Variants in EPPK1 observed in about 807,000 individuals in gnomAD.
EPPK1 encodes the protein epiplakin 1, also known as epiplakin.
For synonymous variants in EPPK1, 1,862 were observed against 1,721.2 expected (o/e 1.08, Z -2.03); for missense variants, 3,823 against 3,673.3 (o/e 1.04, Z -1.05).
rs782367327 is a variant in EPPK1 at position 143,867,849 on chromosome 8, G to T, written c.5405C>A (p.Ser1802Tyr). 1 of 1,613,286 alleles carries T rather than the reference G, an allele frequency of 6.2e-7. No homozygotes were observed. Among genetic ancestry groups the T allele is most frequent in the South Asian group, 1.1e-5 (1 of 91,086 alleles). Residue 1802 changes from serine (S) to tyrosine (Y), a missense_variant, in exon 2 of 2, where the codon TCT becomes TAT. Ser to Tyr is a moderately radical substitution (Grantham distance 144). Coordinates refer to ENST00000615648, the MANE Select transcript of EPPK1 (RefSeq NM_031308.4). ...QVVSFWDLLS[S>Y]PYFTEDRKRE... The stretch of plus-strand genomic sequence containing the variant: ...CTTCCTGTCCTCTGTGAAGTATGGA[G>T]AGGACAGCAGGTCCCAGAAAGAGAC...
Position 143,871,007 on chromosome 8 carries a change from G to C in EPPK1, c.2247C>G (p.Phe749Leu), listed in dbSNP as rs530032622. 1.9e-6 allele frequency: 3 copies of C among 1,613,164 alleles called. No homozygotes were observed. Among genetic ancestry groups the C allele is most frequent in the African/African-American group, 1.3e-5 (1 of 74,926 alleles). The change falls in exon 2 of 2, where the codon TTC (phenylalanine) becomes TTG (leucine). Residue 749 changes from phenylalanine (F) to leucine (L), a missense_variant. Physicochemically the swap from Phe to Leu is conservative, Grantham distance 22. Transcript: ENST00000615648. ...ACAGGATCAAGTTCAGCATCTGATC[G>C]AAGTAGCCGCGCCGGTAGGCCACGT... Reference protein sequence around the residue: ...PVDVAYRRGYFDQMLNLILLD... With the variant: ...PVDVAYRRGYLDQMLNLILLD...
rs1250341893 is a variant in EPPK1 at position 143,869,506 on chromosome 8, C to CGGCCACGCAGCCTG, written c.3734_3747dup (p.Gly1250GlnfsTer22). The CGGCCACGCAGCCTG allele has an allele frequency of 1.9e-6, 3 of 1,546,310 alleles. No individual in the cohort carries two copies. Among genetic ancestry groups the CGGCCACGCAGCCTG allele is most frequent in the Non-Finnish European group, 2.6e-6 (3 of 1,150,784 alleles). On this transcript the variant is annotated frameshift_variant, in exon 2 of 2. Coordinates refer to ENST00000615648, the MANE Select transcript of EPPK1 (RefSeq NM_031308.4). LOFTEE classifies it low-confidence loss of function (END_TRUNC). The stretch of plus-strand genomic sequence containing the variant: ...GCCCCAGAGGGCTGTAGCAGCACAC[C>CGGCCACGCAGCCTG]GGCCACGCAGCCTGTGCCCCACAGG...
chr8:143,869,994 G>A lies in EPPK1; in HGVS notation c.3260C>T (p.Pro1087Leu), dbSNP rs782169960. 3.5e-5 allele frequency: 57 copies of A among 1,608,770 alleles called. No individual in the cohort carries two copies. The highest frequency in any genetic ancestry group is 2.4e-4 in the Admixed American group (14 of 59,518). ...ATAGCTCGTGCGCCCCTGGCCGTCCGGTGTGGGGAAGGTTTCGGAGGAGCT... is the reference window on the plus strand; with the variant it reads ...ATAGCTCGTGCGCCCCTGGCCGTCCAGTGTGGGGAAGGTTTCGGAGGAGCT... ...LSSSSETFPT[P>L]DGQGRTSYAQ... The change falls in exon 2 of 2, where the codon CCG (proline) becomes CTG (leucine). Residue 1087 changes from proline to leucine, a missense_variant. By Grantham distance (98) the Pro-to-Leu change is moderately conservative. Transcript: ENST00000615648.
At position 143,868,374 on chromosome 8, in the gene EPPK1, T is replaced by G. The variant is rs1435468417; in HGVS notation, c.4880A>C (p.Glu1627Ala). 1.2e-6 allele frequency: 2 copies of G among 1,612,552 alleles called. No homozygotes were observed. Among genetic ancestry groups the G allele is most frequent in the Non-Finnish European group, 1.7e-6 (2 of 1,179,828 alleles). The change falls in exon 2 of 2, where the codon GAG becomes GCG. Residue 1627 changes from glutamate to alanine, a missense_variant. Glu to Ala is a moderately radical substitution (Grantham distance 107). Transcript: ENST00000615648. ...PVENRKLTVE[E>A]AFKAGMFGKE... ...CCCGAACATTCCTGCTTTGAACGCC[T>G]CCTCCACGGTCAGCTTCCGGTTCTC...
At chr8:143,877,054 G>A (rs1056274505) in intron 1 of EPPK1, among the ~76,000 whole-genome samples, 7 of 152,294 alleles carry the variant, frequency 4.6e-5, no homozygotes, top group Non-Finnish European at 1.0e-4. Flanking sequence ...GCTGGAGACA[G>A]GGCGCTTGGG....
In EPPK1 at chr8:143,872,305, G is replaced by A; in HGVS notation, c.949C>T (p.Pro317Ser). 6.2e-7 allele frequency: 1 copy of A among 1,600,848 alleles called. No individual in the cohort carries two copies. Among genetic ancestry groups the A allele is most frequent in the Non-Finnish European group, 8.5e-7 (1 of 1,173,226 alleles). Residue 317 changes from proline to serine, a missense_variant, in exon 2 of 2, where the codon CCA becomes TCA. Coordinates refer to ENST00000615648, the MANE Select transcript of EPPK1 (RefSeq NM_031308.4). ...GTGGCAGCCTGGGCCTCTAGGAGTG[G>A]CAGCGCGGTGCCCATTGGGAGCAGG... is the stretch of plus-strand genomic sequence containing the variant. ...EHLLPMGTALPLLEAQAATHT... is the reference protein window; with the variant it reads ...EHLLPMGTALSLLEAQAATHT...
rs782176487 is a variant in EPPK1 at position 143,869,989 on chromosome 8, C to T, written c.3265G>A (p.Gly1089Ser). The change falls in exon 2 of 2, where the codon GGC (glycine) becomes AGC (serine). Residue 1089 changes from glycine (G) to serine (S), a missense_variant. Coordinates refer to ENST00000615648, the MANE Select transcript of EPPK1 (RefSeq NM_031308.4). The part of the protein sequence containing the change: ...SSSETFPTPD[G>S]QGRTSYAQLL... ...TGGGCATAGCTCGTGCGCCCCTGGC[C>T]GTCCGGTGTGGGGAAGGTTTCGGAG... is the stretch of plus-strand genomic sequence containing the variant. 5.6e-6 allele frequency: 9 copies of T among 1,607,714 alleles called. No individual in the cohort carries two copies. Among genetic ancestry groups the T allele is most frequent in the Admixed American group, 3.4e-5 (2 of 59,500 alleles).
rs573015971 is a variant in EPPK1 at position 143,868,664 on chromosome 8, G to C, written c.4590C>G (p.Ala1530=). The change falls in exon 2 of 2, where the codon GCC becomes GCG. Residue 1530 remains alanine, a synonymous_variant. Transcript: ENST00000615648. ...TFRGLRKQVS[A]RDLFRAQLIS... The stretch of plus-strand genomic sequence containing the variant: ...TCAGCTGCGCCCTGAACAGGTCCCT[G>C]GCTGACACCTGCTTCCGGAGCCCTC... The C allele has an allele frequency of 5.3e-5, 84 of 1,585,472 alleles. 1 individual carries two copies. In the South Asian group the frequency reaches 7.2e-4, roughly 14 times the overall value.
rs782742738 is a variant in EPPK1 at position 143,868,486 on chromosome 8, C to T, written c.4768G>A (p.Ala1590Thr). The T allele has an allele frequency of 3.0e-5, 48 of 1,611,592 alleles. No individual in the cohort carries two copies. Among genetic ancestry groups the T allele is most frequent in the Middle Eastern group, 3.3e-4 (2 of 6,082 alleles). ...GGCCGCAGGATGTGCCTCCTCAGGG[C>T]CTCTGGGATGCTCATCCTCTCCTGG... ...GTQERMSIPE[A>T]LRRHILRPGT... is the part of the protein sequence containing the mutation. Residue 1590 changes from alanine to threonine, a missense_variant, in exon 2 of 2, where the codon GCC becomes ACC. By Grantham distance (58) the Ala-to-Thr change is moderately conservative. Coordinates refer to ENST00000615648, the MANE Select transcript of EPPK1 (RefSeq NM_031308.4).
Position 143,871,182 on chromosome 8 carries a change from T to C in EPPK1, c.2072A>G (p.Tyr691Cys), listed in dbSNP as rs782731105. The C allele has an allele frequency of 3.7e-6, 6 of 1,613,046 alleles. No individual in the cohort carries two copies. In the South Asian group the frequency reaches 6.6e-5, roughly 18 times the overall value. ...CTGCTGCCCGGTGTAGGGGTCAGTG[T>C]AGCCAGTGACAGCGCGCTCAGCCGA... The part of the protein sequence containing the change: ...LLSAERAVTG[Y>C]TDPYTGQQIS... The change falls in exon 2 of 2, where the codon TAC becomes TGC. Residue 691 changes from tyrosine (Y) to cysteine (C), a missense_variant. Coordinates refer to ENST00000615648, the MANE Select transcript of EPPK1 (RefSeq NM_031308.4).
Position 143,867,352 on chromosome 8 carries a change from G to A in EPPK1, c.5902C>T (p.Leu1968Phe), listed in dbSNP as rs1554659434. 3 of 1,612,812 alleles carry A rather than the reference G, an allele frequency of 1.9e-6. No individual in the cohort carries two copies. The highest frequency in any genetic ancestry group is 1.7e-6 in the Non-Finnish European group (2 of 1,179,856). ...GLVNEELRER[L>F]LKAERAATGY... ...GTGGCAGCTCTTTCAGCCTTCAGGA[G>A]CCTCTCCCGCAGCTCCTCGTTCACC... The change falls in exon 2 of 2, where the codon CTC (leucine) becomes TTC (phenylalanine). Residue 1968 changes from leucine (L) to phenylalanine (F), a missense_variant. By Grantham distance (22) the Leu-to-Phe change is conservative (BLOSUM62 0). Coordinates refer to ENST00000615648, the MANE Select transcript of EPPK1 (RefSeq NM_031308.4).
rs535303334 is a variant in EPPK1, at chr8:143,868,180, C to T, written c.5074G>A (p.Asp1692Asn). Residue 1692 changes from aspartate to asparagine, a missense_variant, in exon 2 of 2, where the codon GAC becomes AAC. Coordinates refer to ENST00000615648, the MANE Select transcript of EPPK1 (RefSeq NM_031308.4). ...GGCACGCGGTGGCTGTGCACGGGGT[C>T]GATGATGCCGCCCGTGGCGATCTGG... is the stretch of plus-strand genomic sequence containing the variant. ...EAQIATGGIIDPVHSHRVPVD... is the reference protein window; with the variant it reads ...EAQIATGGIINPVHSHRVPVD... The T allele has an allele frequency of 4.1e-5, 66 of 1,613,008 alleles. No homozygotes were observed. Among genetic ancestry groups the T allele is most frequent in the South Asian group, 4.0e-4 (36 of 91,062 alleles).
rs571952678 is a variant in EPPK1, at chr8:143,872,537, G to A, written c.717C>T (p.Gly239=). The change falls in exon 2 of 2, where the codon GGC becomes GGT. Residue 239 remains glycine, a synonymous_variant. Coordinates refer to ENST00000615648, the MANE Select transcript of EPPK1 (RefSeq NM_031308.4). ...LPLKITFRSM[G]GAVSAAELLE... ...GCAGCTCAGCTGCACTCACCGCCCC[G>A]CCCATGGAGCGGAAGGTGATCTTGA... 6.4e-5 allele frequency: 102 copies of A among 1,603,706 alleles called. 1 individual carries two copies. Among genetic ancestry groups the A allele is most frequent in the East Asian group, 4.7e-4 (21 of 44,634 alleles).
rs532342176 is a variant in EPPK1 at position 143,873,129 on chromosome 8, C to T, written c.125G>A (p.Ser42Asn). The change falls in exon 2 of 2, where the codon AGC becomes AAC. Residue 42 changes from serine (S) to asparagine (N), a missense_variant. By Grantham distance (46) the Ser-to-Asn change is conservative. Transcript: ENST00000615648. ...GGCCTCCACATACACCCCAGCTATG[C>T]TCCTGGCCTGGGGCCTGGGGGGCGT... is the stretch of plus-strand genomic sequence containing the variant. ...AGTPPRPQAR[S>N]IAGVYVEASG... The T allele has an allele frequency of 6.3e-7, 1 of 1,581,212 alleles. No individual in the cohort carries two copies. Among genetic ancestry groups the T allele is most frequent in the Non-Finnish European group, 8.6e-7 (1 of 1,167,226 alleles).
chr8:143,870,522 A>G lies in EPPK1; in HGVS notation c.2732T>C (p.Ile911Thr). The G allele has an allele frequency of 1.2e-6, 2 of 1,609,376 alleles. No individual in the cohort carries two copies. The highest frequency in any genetic ancestry group is 1.7e-6 in the Non-Finnish European group (2 of 1,177,876). The change falls in exon 2 of 2, where the codon ATC becomes ACC. Residue 911 changes from isoleucine (I) to threonine (T), a missense_variant. Physicochemically the swap from Ile to Thr is moderately conservative, Grantham distance 89. Transcript: ENST00000615648. The surrounding 1 kb of genome is among the most constrained non-coding windows in gnomAD (Gnocchi z 5.2). ...QLLDQVLAGT[I>T]SPEALLLMDG... ...CATGAGTAGGAGGGCCTCCGGGCTG[A>G]TTGTCCCGGCCAGCACTTGGTCCAA...
rs202152744 is a variant in EPPK1 at position 143,871,924 on chromosome 8, C to T, written c.1330G>A (p.Gly444Ser). The change falls in exon 2 of 2, where the codon GGC (glycine) becomes AGC (serine). Residue 444 changes from glycine to serine, a missense_variant. Coordinates refer to ENST00000615648, the MANE Select transcript of EPPK1 (RefSeq NM_031308.4). Reference protein sequence around the residue: ...QAGSFSDGTHGGLRYEQLLAL... With the variant: ...QAGSFSDGTHSGLRYEQLLAL... ...AGCAGCTGTTCATAGCGCAGGCCGC[C>T]GTGCGTGCCGTCTGAGAAGCTGCCA... is the stretch of plus-strand genomic sequence containing the variant. The T allele has an allele frequency of 1.6e-4, 262 of 1,603,982 alleles. No individual in the cohort carries two copies. The highest frequency in any genetic ancestry group is 2.0e-4 in the Non-Finnish European group (240 of 1,179,214).
rs150196045 is a variant in EPPK1 at position 143,871,018 on chromosome 8, G to A, written c.2236C>T (p.Arg746Cys). Residue 746 changes from arginine to cysteine, a missense_variant, in exon 2 of 2, where the codon CGC (arginine) becomes TGC (cysteine). By Grantham distance (180) the Arg-to-Cys change is radical (BLOSUM62 -3). Coordinates refer to ENST00000615648, the MANE Select transcript of EPPK1 (RefSeq NM_031308.4). ...HRVPVDVAYR[R>C]GYFDQMLNLI... ...TTCAGCATCTGATCGAAGTAGCCGC[G>A]CCGGTAGGCCACGTCCACGGGCACG... 88 of 1,613,242 alleles carry A rather than the reference G, an allele frequency of 5.5e-5. No homozygotes were observed. Among genetic ancestry groups the A allele is most frequent in the Non-Finnish European group, 7.3e-5 (86 of 1,179,974 alleles).
Position 143,870,983 on chromosome 8 carries a change from C to A in EPPK1, c.2271G>T (p.Leu757=). The change falls in exon 2 of 2, where the codon CTG becomes CTT. Residue 757 remains leucine, a synonymous_variant. Coordinates refer to ENST00000615648, the MANE Select transcript of EPPK1 (RefSeq NM_031308.4). The surrounding 1 kb of genome is among the most constrained non-coding windows in gnomAD (Gnocchi z 5.2). ...CCTTGGTGTCGTCAGAAGGGTCCAA[C>A]AGGATCAAGTTCAGCATCTGATCGA... is the stretch of plus-strand genomic sequence containing the variant. ...GYFDQMLNLI[L]LDPSDDTKGF... is the part of the protein sequence containing the mutation. 1 of 1,613,454 alleles carries A rather than the reference C, an allele frequency of 6.2e-7. No homozygotes were observed. Among genetic ancestry groups the A allele is most frequent in the Non-Finnish European group, 8.5e-7 (1 of 1,180,020 alleles).
chr8:143,857,868 TG>T lies in EPPK1; in HGVS notation c.*118del. On this transcript the variant is annotated 3_prime_UTR_variant, in exon 2 of 2. Coordinates refer to ENST00000615648, the MANE Select transcript of EPPK1 (RefSeq NM_031308.4). Reference sequence around the variant, plus strand: ...TAAAACGTTTTCCACAGATAACGAATGGGTAAAACAACAAAATTAAAGAATG... The same window carrying T: ...TAAAACGTTTTCCACAGATAACGAATGGTAAAACAACAAAATTAAAGAATG... 1 of 706,866 alleles carries T rather than the reference TG, an allele frequency of 1.4e-6. No homozygotes were observed. Among genetic ancestry groups the T allele is most frequent in the Non-Finnish European group, 2.1e-6 (1 of 485,018 alleles). 43.8% of individuals were successfully genotyped at this position (706,866 alleles called of 1,614,324 possible). A position where few individuals can be genotyped will look rare whatever the true frequency, so the allele number is the denominator to read the frequency against.
Sources: allele counts gnomAD v4.1 joint callset (sites outside exome capture counted in the v4.1 genomes callset), GRCh38; gene constraint gnomAD v4.1.1; non-coding constraint Gnocchi (gnomAD v3.1); transcripts MANE v1.5; gene names NCBI Gene and HGNC (gene_info 2026-07-23, HGNC 2026-07-21).